PISD: variants seen among roughly 807,000 people sequenced by gnomAD.
The protein encoded by PISD is phosphatidylserine decarboxylase proenzyme, mitochondrial.
Under a neutral mutation model 43.5 loss-of-function variants are expected in PISD, and 31 were observed. The observed-to-expected ratio is 0.71, with a 90% confidence interval of 0.54 to 0.96. PISD has a LOEUF of 0.96. PISD is among the 40% of genes least tolerant of loss of function. The pLI is 0.00. For missense variants in PISD, 523 were observed against 548.4 expected (o/e 0.95, Z 0.46); for synonymous variants, 259 against 228.7 (o/e 1.13, Z -1.20).
intron 3 of PISD, among the ~76,000 whole-genome samples, chr22:31,645,980 C>CA (rs1019902147): frequency 5.3e-5 from 8 of 149,670 alleles, no homozygotes; most frequent in East Asian, 3.9e-4. Context: ...TTGAAAAATC[C>CA]AAAAAAAAAT....
At chr22:31,660,518 C>T (rs966347940) in intron 1 of PISD, among the ~76,000 whole-genome samples, 5 of 151,894 alleles carry the variant, frequency 3.3e-5, no homozygotes, top group South Asian at 2.1e-4. Context: ...TGCAGCTGGG[C>T]GGGGTGGCGT....
chr22:31,631,301 G>T (rs1391298808), intron 3 of PISD, among the ~76,000 whole-genome samples: 1 of 152,194 alleles, frequency 6.6e-6, no homozygotes, highest in East Asian at 1.9e-4. Context: ...TCACTGGACT[G>T]AACAGAAAGC....
intron 3 of PISD, chr22:31,628,180 A>G (rs1212658428): frequency 2.0e-6 from 2 of 985,550 alleles, no homozygotes; most frequent in Non-Finnish European, 2.4e-6. Flanking sequence ...GCCCCAGGAC[A>G]CAGGCTGAGC....
intron 3 of PISD, among the ~76,000 whole-genome samples, chr22:31,644,662 C>T (rs1184833614): frequency 6.6e-6 from 1 of 152,132 alleles, no homozygotes; most frequent in Non-Finnish European, 1.5e-5. Context: ...GGACCAGGCC[C>T]CAGACAGCCA....
At chr22:31,624,909 C>T (rs112709944) in intron 3 of PISD, among the ~76,000 whole-genome samples, 1,655 of 152,218 alleles carry the variant, frequency 0.011, 37 homozygotes, top group African/African-American at 0.038. Context: ...TGGCCTCCTG[C>T]GCCTAAACAA....
intron 3 of PISD, among the ~76,000 whole-genome samples, chr22:31,632,666 C>T (rs2073257917): frequency 6.6e-6 from 1 of 152,210 alleles, no homozygotes; most frequent in Admixed American, 6.5e-5. Context: ...GAAGACATCC[C>T]ATCCAGGACT....
chr22:31,647,332 C>T (rs888957817), intron 3 of PISD, among the ~76,000 whole-genome samples: 2 of 152,144 alleles, frequency 1.3e-5, no homozygotes, highest in African/African-American at 4.8e-5. Context: ...CCCCAGTCAC[C>T]GTATGTCCTA....
At chr22:31,637,334 G>A (rs145498046) in intron 3 of PISD, among the ~76,000 whole-genome samples, 3,887 of 150,216 alleles carry the variant, frequency 0.026, 149 homozygotes, top group African/African-American at 0.089. Context: ...CTACACTCCA[G>A]CCTGGGCAAC....
chr22:31,619,583 C>T lies in PISD; in HGVS notation c.*29G>A, dbSNP rs780386723. ...ACCCTCACTCTGTTTGGAAAAGATC[C>T]CTTAGCAGCCATAATCAGGAAAGAG... is the stretch of plus-strand genomic sequence containing the variant. On this transcript the variant is annotated 3_prime_UTR_variant, in exon 8 of 8. Transcript: ENST00000439502. The T allele has an allele frequency of 6.4e-7, 1 of 1,573,884 alleles. No homozygotes were observed. Among genetic ancestry groups the T allele is most frequent in the African/African-American group, 1.3e-5 (1 of 74,170 alleles).
At chr22:31,661,721 C>T (rs1041459128) in intron 1 of PISD, among the ~76,000 whole-genome samples, 5 of 152,178 alleles carry the variant, frequency 3.3e-5, no homozygotes, top group African/African-American at 1.2e-4. Context: ...TAACCTAACC[C>T]TCTAGCTTCA....
Position 31,618,670 on chromosome 22 carries a change from TCCCC to T in PISD, c.*938_*941del, listed in dbSNP as rs981100869. 1.1e-5 allele frequency: 4 copies of T among 375,554 alleles called. No homozygotes were observed. The highest frequency in any genetic ancestry group is 1.9e-5 in the Non-Finnish European group (4 of 213,052). 23.3% of individuals were successfully genotyped at this position (375,554 alleles called of 1,614,324 possible). A position where few individuals can be genotyped will look rare whatever the true frequency, so the allele number is the denominator to read the frequency against. On this transcript the variant is annotated 3_prime_UTR_variant, in exon 8 of 8. Coordinates refer to ENST00000439502, the MANE Select transcript of PISD (RefSeq NM_001326411.2). ...AGGGTCAACATGAAATCTGGCCCTG[TCCCC>T]GCCACTGGGGGCTCCCCAGGCCTGC...
intron 6 of PISD, 82 bp downstream of exon 6, chr22:31,620,914 C>T (rs1021370764): frequency 6.7e-7 from 1 of 1,483,188 alleles, no homozygotes; most frequent in East Asian, 2.4e-5. Flanking sequence ...GATCTGGAGC[C>T]TGGTCCCCCA....
At chr22:31,625,987 G>A (rs2072888583) in intron 3 of PISD, 1 of 1,462,750 alleles carries the variant, frequency 6.8e-7, no homozygotes, top group Admixed American at 2.4e-5. Context: ...AGTCTCGGTG[G>A]CTCACAGGGT....
In PISD at chr22:31,640,878, G is replaced by GTGT. The variant is rs1332042114; in HGVS notation, c.321+7220_321+7222dup. Among the ~76,000 whole-genome samples, 143 of 27,184 alleles carry GTGT rather than the reference G, an allele frequency of 5.3e-3. 1 individual carries two copies. Among genetic ancestry groups the GTGT allele is most frequent in the Middle Eastern group, 0.05 (1 of 20 alleles). The allele number at this position is 27,184 out of a possible 152,430, so 17.8% of individuals were successfully genotyped here. On this transcript the variant is annotated intron_variant, in intron 3 of 7. Coordinates refer to ENST00000439502, the MANE Select transcript of PISD (RefSeq NM_001326411.2). ...TTACAGGCATGAGCCACCACACCCG[G>GTGT]TGTTTTTTTTTTTTTTTTTTTTTTT...
At chr22:31,625,732 TGGGGTTA>T (rs1450928476) in intron 3 of PISD, 12 of 1,564,732 alleles carry the variant, frequency 7.7e-6, no homozygotes, top group Non-Finnish European at 1.0e-5. Context: ...CGGGGAACCG[TGGGGTTA>T]GGGCGCGGTG....
At chr22:31,649,870 T>A (rs1045019840) in intron 2 of PISD, among the ~76,000 whole-genome samples, 5 of 152,200 alleles carry the variant, frequency 3.3e-5, no homozygotes, top group African/African-American at 1.2e-4. Flanking sequence ...CAGGTGAAGC[T>A]GAAGGCAGAG....
chr22:31,662,092 G>T, intron 1 of PISD, 52 bp downstream of exon 1: 1 of 1,493,126 alleles, frequency 6.7e-7, no homozygotes, highest in Non-Finnish European at 9.3e-7. Context: ...TCAGACCCCA[G>T]CTTGGTCCAG....
intron 1 of PISD, among the ~76,000 whole-genome samples, chr22:31,657,176 G>A (rs535418082): frequency 6.6e-6 from 1 of 152,104 alleles, no homozygotes; most frequent in Non-Finnish European, 1.5e-5. Flanking sequence ...TTGCTCTGTC[G>A]CCCAGGCTGG....
At chr22:31,625,815 T>G (rs764947484) in intron 3 of PISD, 1 of 1,600,176 alleles carries the variant, frequency 6.2e-7, no homozygotes, top group South Asian at 1.1e-5. Flanking sequence ...TGACACATCA[T>G]GGGCCGGCGC....
Sources: allele counts gnomAD v4.1 joint callset (sites outside exome capture counted in the v4.1 genomes callset), GRCh38; gene constraint gnomAD v4.1.1; transcripts MANE v1.5; gene names NCBI Gene and HGNC (gene_info 2026-07-23, HGNC 2026-07-21).